CDKAL1: variants seen among roughly 807,000 people sequenced by gnomAD.
The protein encoded by CDKAL1 is CDKAL1 threonylcarbamoyladenosine tRNA methylthiotransferase, also known as threonylcarbamoyladenosine tRNA methylthiotransferase.
In CDKAL1, 32 loss-of-function variants were observed where a neutral mutation model predicts 68.2. The observed-to-expected ratio is 0.47, with a 90% CI of 0.35 to 0.63. The LOEUF (loss-of-function observed/expected upper bound fraction) is 0.63. CDKAL1 is among the 30% of genes least tolerant of loss of function. The probability of loss-of-function intolerance (pLI) is 0.00; values close to 1 mark genes in which losing one functional copy is unlikely to be tolerated. For synonymous variants in CDKAL1, 234 were observed against 244.3 expected (o/e 0.96, Z 0.39); for missense variants, 606 against 696.7 (o/e 0.87, Z 1.47).
chr6:20,721,490 G>A (rs9368225), intron 5 of CDKAL1, among the ~76,000 whole-genome samples: 49,366 of 151,904 alleles, frequency 0.32, 9,508 homozygotes, highest in African/African-American at 0.53. Context: ...TTGATTCTAT[G>A]TCTTTGCTAT....
At chr6:20,799,321 G>A (rs1215338132) in intron 8 of CDKAL1, among the ~76,000 whole-genome samples, 3 of 151,922 alleles carry the variant, frequency 2.0e-5, no homozygotes, top group Non-Finnish European at 4.4e-5. Flanking sequence ...CAAAGTGTTG[G>A]GATTACAGGC....
At chr6:21,099,081 C>A (rs917928638) in intron 12 of CDKAL1, among the ~76,000 whole-genome samples, 1 of 152,092 alleles carries the variant, frequency 6.6e-6, no homozygotes, top group Non-Finnish European at 1.5e-5. Context: ...ATTTTTAAAA[C>A]CCCAACTCCT....
At chr6:20,947,994 C>G (rs916716853) in intron 9 of CDKAL1, among the ~76,000 whole-genome samples, 1 of 147,456 alleles carries the variant, frequency 6.8e-6, no homozygotes, top group Non-Finnish European at 1.5e-5. Flanking sequence ...TTTGACTGTA[C>G]CTTGAGTGAA....
chr6:20,820,371 AT>A (rs1290667262), intron 8 of CDKAL1, among the ~76,000 whole-genome samples: 1 of 152,122 alleles, frequency 6.6e-6, no homozygotes, highest in Non-Finnish European at 1.5e-5. Flanking sequence ...ATTTACAGAC[AT>A]TAGCTTGTTT....
chr6:20,907,122 G>C (rs2150612817), intron 9 of CDKAL1, among the ~76,000 whole-genome samples: 1 of 152,238 alleles, frequency 6.6e-6, no homozygotes, highest in Admixed American at 6.5e-5. Context: ...TTGCAATTTG[G>C]CAAGATGAAA....
At chr6:20,841,452 A>G (rs1778170705) in intron 8 of CDKAL1, among the ~76,000 whole-genome samples, 1 of 152,234 alleles carries the variant, frequency 6.6e-6, no homozygotes, top group Non-Finnish European at 1.5e-5. Flanking sequence ...AAGAATAGGT[A>G]TGTTAAAACT....
intron 11 of CDKAL1, among the ~76,000 whole-genome samples, chr6:21,012,819 C>T (rs1213983474): frequency 3.3e-5 from 5 of 152,150 alleles, no homozygotes; most frequent in Admixed American, 2.6e-4. Flanking sequence ...TCTAATACTT[C>T]CTTCTCGTAC....
At position 20,546,520 on chromosome 6, in the gene CDKAL1, A is replaced by T. The variant is rs774821440; in HGVS notation, c.170A>T (p.Asp57Val). The change falls in exon 3 of 16, where the codon GAC becomes GTC. Residue 57 changes from aspartate to valine, a missense_variant. Asp to Val is a radical substitution (Grantham distance 152). Transcript: ENST00000274695. ...GAGGAAGAAAACAGTCCACCAAGTGACAGGTAAGCTTTTTTCCTTGAAATT... is the reference window on the plus strand; with the variant it reads ...GAGGAAGAAAACAGTCCACCAAGTGTCAGGTAAGCTTTTTTCCTTGAAATT... ...LQEEENSPPS[D>V]STIPGIQKIW... 1 of 1,612,252 alleles carries T rather than the reference A, an allele frequency of 6.2e-7. No individual in the cohort carries two copies. The highest frequency in any genetic ancestry group is 8.5e-7 in the Non-Finnish European group (1 of 1,179,272).
chr6:20,758,529 A>T (rs10946406), intron 6 of CDKAL1, 66 bp from the exon 7 acceptor site: 2 of 1,378,670 alleles, frequency 1.5e-6, no homozygotes, highest in Non-Finnish European at 1.0e-6. Context: ...ACTCAAGCAT[A>T]AGGATAAACA....
chr6:20,592,566 T>C (rs187732075), intron 4 of CDKAL1, among the ~76,000 whole-genome samples: 150 of 151,950 alleles, frequency 9.9e-4, no homozygotes, highest in African/African-American at 3.4e-3. Context: ...CCTCCTGGGT[T>C]CAAGCGATTC....
At chr6:21,125,059 C>T (rs1774925689) in intron 13 of CDKAL1, among the ~76,000 whole-genome samples, 1 of 152,130 alleles carries the variant, frequency 6.6e-6, no homozygotes. Flanking sequence ...TCTGTTTCAT[C>T]TTTCCCAATA....
chr6:21,099,122 G>A (rs1037133128), intron 12 of CDKAL1, among the ~76,000 whole-genome samples: 6 of 152,046 alleles, frequency 3.9e-5, no homozygotes, highest in African/African-American at 9.7e-5. Context: ...TAGAATATCT[G>A]GCACTGGAAC....
intron 7 of CDKAL1, among the ~76,000 whole-genome samples, chr6:20,761,683 T>TAG: frequency 6.6e-6 from 1 of 152,178 alleles, no homozygotes; most frequent in East Asian, 1.9e-4. Flanking sequence ...CTACATACTC[T>TAG]ATGAGTCCAA....
rs558622531 is a variant in CDKAL1 at position 21,125,199 on chromosome 6, C to T, written c.1299+16736C>T. On this transcript the variant is annotated intron_variant, in intron 13 of 15. Coordinates refer to ENST00000274695, the MANE Select transcript of CDKAL1 (RefSeq NM_017774.3). ...GGGGCAATTTCCCCTGTGCTATTCT[C>T]ATGACAGTGAGTGAGTTCTCATGAG... Among the ~76,000 whole-genome samples, 14 of 152,320 alleles carry T rather than the reference C, an allele frequency of 9.2e-5. No individual in the cohort carries two copies. In the South Asian group the frequency reaches 2.9e-3, roughly 32 times the overall value.
intron 8 of CDKAL1, among the ~76,000 whole-genome samples, chr6:20,796,644 T>C (rs1387980796): frequency 2.6e-5 from 4 of 152,134 alleles, no homozygotes; most frequent in African/African-American, 9.7e-5. Flanking sequence ...ACACATTAAA[T>C]CACTGGAAGG....
intron 5 of CDKAL1, among the ~76,000 whole-genome samples, chr6:20,727,014 C>T (rs1256330026): frequency 2.0e-5 from 3 of 152,120 alleles, no homozygotes; most frequent in Non-Finnish European, 4.4e-5. Context: ...GTTTATAAGG[C>T]CCATCATCTG....
intron 11 of CDKAL1, among the ~76,000 whole-genome samples, chr6:21,049,399 A>C (rs981929767): frequency 6.6e-6 from 1 of 152,212 alleles, no homozygotes; most frequent in Non-Finnish European, 1.5e-5. Context: ...AAACAGAAAA[A>C]CTCATATAAG....
intron 11 of CDKAL1, among the ~76,000 whole-genome samples, chr6:21,055,074 T>C (rs189615397): frequency 6.6e-6 from 1 of 152,196 alleles, no homozygotes; most frequent in African/African-American, 2.4e-5. Flanking sequence ...TGAATGGGTG[T>C]TTGATTTGTC....
chr6:21,185,671 A>T (rs1212100004), intron 13 of CDKAL1, among the ~76,000 whole-genome samples: 1 of 152,158 alleles, frequency 6.6e-6, no homozygotes, highest in Non-Finnish European at 1.5e-5. Flanking sequence ...GCACATAGCA[A>T]ATTACTGGTT....
Sources: gnomAD v4.1 joint callset for allele counts (sites outside exome capture counted in the v4.1 genomes callset) on GRCh38, gnomAD v4.1.1 for gene constraint, MANE v1.5 for transcripts, NCBI Gene and HGNC (gene_info 2026-07-23, HGNC 2026-07-21) for gene names.